PALLD: variants seen among roughly 807,000 people sequenced by gnomAD.
PALLD encodes palladin, cytoskeletal associated protein.
PALLD carries 61 observed loss-of-function variants against 123.5 expected under a neutral mutation model. That is an observed-to-expected ratio of 0.49 (90% CI 0.40 to 0.61). PALLD has a LOEUF of 0.61. PALLD is among the 20% of genes least tolerant of loss of function. The probability of loss-of-function intolerance (pLI) is 0.00; values close to 1 mark genes in which losing one functional copy is unlikely to be tolerated. For missense variants in PALLD, 1,273 were observed against 1,377.0 expected (o/e 0.92, Z 1.20); for synonymous variants, 465 against 496.4 (o/e 0.94, Z 0.84).
intron 2 of PALLD, among the ~76,000 whole-genome samples, chr4:168,523,570 C>T (rs1391787724): frequency 5.3e-5 from 8 of 152,084 alleles, no homozygotes; most frequent in Non-Finnish European, 1.2e-4. Context: ...GTTAATGGAC[C>T]AGCATGGGCC....
intron 10 of PALLD, chr4:168,877,612 C>G (rs1751926437): frequency 2.5e-6 from 1 of 395,008 alleles, no homozygotes; most frequent in Non-Finnish European, 3.6e-6. Context: ...CCTGGGTGTT[C>G]TCTGCAGCTG....
At chr4:168,906,467 G>A (rs6819031) in intron 15 of PALLD, among the ~76,000 whole-genome samples, 25,208 of 152,030 alleles carry the variant, frequency 0.17, 2,621 homozygotes, top group African/African-American at 0.29. Context: ...GTAGTCTCCA[G>A]TCATTTAAAC....
At chr4:168,562,784 G>A (rs1395807455) in intron 2 of PALLD, among the ~76,000 whole-genome samples, 1 of 152,218 alleles carries the variant, frequency 6.6e-6, no homozygotes, top group Admixed American at 6.5e-5. Flanking sequence ...GGGACTCTAG[G>A]CCGTGGAAAG....
At chr4:168,698,590 G>A (rs111445303) in intron 8 of PALLD, among the ~76,000 whole-genome samples, 2 of 151,934 alleles carry the variant, frequency 1.3e-5, no homozygotes, top group African/African-American at 4.8e-5. Context: ...CCTGCTGGAT[G>A]CCCACATGAG....
intron 10 of PALLD, among the ~76,000 whole-genome samples, chr4:168,771,600 G>C (rs1233029766): frequency 6.6e-6 from 1 of 152,162 alleles, no homozygotes; most frequent in Non-Finnish European, 1.5e-5. Context: ...CAGGGCATCA[G>C]TGTGATGTGG....
At chr4:168,859,362 C>G (rs1305975203) in intron 10 of PALLD, among the ~76,000 whole-genome samples, 3 of 152,332 alleles carry the variant, frequency 2.0e-5, no homozygotes, top group African/African-American at 7.2e-5. Context: ...GGAGTCTTCT[C>G]TCACTGCCTG....
chr4:168,709,555 GAA>G (rs1164787888), intron 9 of PALLD, among the ~76,000 whole-genome samples: 168 of 712 alleles, frequency 0.24, 4 homozygotes, highest in Non-Finnish European at 0.34. Context: ...AGGAAGGAAG[GAA>G]GGAAGGAAGG....
At chr4:168,657,554 T>C (rs1446497132) in intron 2 of PALLD, among the ~76,000 whole-genome samples, 2 of 152,196 alleles carry the variant, frequency 1.3e-5, no homozygotes, top group African/African-American at 2.4e-5. Flanking sequence ...AGTGAGGGTA[T>C]AGGAGTCCTT....
At chr4:168,554,933 T>C (rs1767120028) in intron 2 of PALLD, among the ~76,000 whole-genome samples, 2 of 152,184 alleles carry the variant, frequency 1.3e-5, no homozygotes, top group Admixed American at 1.3e-4. Flanking sequence ...AGATACAAAT[T>C]AAAAACACTG....
At chr4:168,529,191 G>A (rs1004349070) in intron 2 of PALLD, among the ~76,000 whole-genome samples, 22 of 152,012 alleles carry the variant, frequency 1.4e-4, no homozygotes, top group African/African-American at 2.2e-4. Flanking sequence ...AAAAAATTTC[G>A]TTGGGCATGG....
chr4:168,922,102 T>TATATACAC (rs1459158507), intron 18 of PALLD, among the ~76,000 whole-genome samples: 1 of 132,604 alleles, frequency 7.5e-6, no homozygotes, highest in Non-Finnish European at 1.6e-5. Context: ...TATATATATA[T>TATATACAC]ACACACACAC....
intron 15 of PALLD, among the ~76,000 whole-genome samples, chr4:168,910,445 T>C (rs1758695264): frequency 6.6e-6 from 1 of 152,130 alleles, no homozygotes; most frequent in South Asian, 2.1e-4. Flanking sequence ...GCCAAAGGTA[T>C]TTTGTTTTTC....
intron 2 of PALLD, among the ~76,000 whole-genome samples, chr4:168,552,393 G>C (rs1053725142): frequency 9.2e-5 from 14 of 152,114 alleles, no homozygotes; most frequent in Non-Finnish European, 1.8e-4. Context: ...AGGAAGTCCA[G>C]TGCTGCAGGA....
chr4:168,713,711 ACAT>A (rs1225114243), intron 10 of PALLD, among the ~76,000 whole-genome samples: 5 of 152,104 alleles, frequency 3.3e-5, no homozygotes, highest in Admixed American at 1.3e-4. Context: ...AGTTTAAAGA[ACAT>A]CAGGATTTGC....
chr4:168,603,860 A>T lies in PALLD; in HGVS notation c.909-64330A>T, dbSNP rs542968699. Among the ~76,000 whole-genome samples, 3 of 152,356 alleles carry T rather than the reference A, an allele frequency of 2.0e-5. No homozygotes were observed. In the South Asian group the frequency reaches 6.2e-4, roughly 32 times the overall value. ...AAACAAAAATTAAACAGTTCTTTTT[A>T]AAAAATTGCAGACATCTCAGTGAAT... On this transcript the variant is annotated intron_variant, in intron 2 of 21. Coordinates refer to ENST00000505667, the MANE Select transcript of PALLD (RefSeq NM_001166108.2).
At chr4:168,663,652 G>C (rs1779339297) in intron 2 of PALLD, among the ~76,000 whole-genome samples, 1 of 152,180 alleles carries the variant, frequency 6.6e-6, no homozygotes, top group East Asian at 1.9e-4. Context: ...CAATGTCCTA[G>C]ATGCAAAATT....
intron 10 of PALLD, among the ~76,000 whole-genome samples, chr4:168,728,006 G>C (rs994084174): frequency 1.3e-5 from 2 of 152,112 alleles, no homozygotes; most frequent in African/African-American, 2.4e-5. Flanking sequence ...CCTTGTCAAA[G>C]ATCAAATGGT....
chr4:168,815,132 A>G (rs1741724428), intron 10 of PALLD, among the ~76,000 whole-genome samples: 1 of 152,236 alleles, frequency 6.6e-6, no homozygotes, highest in South Asian at 2.1e-4. Context: ...TGAATGAGCA[A>G]ATGTAAACAT....
At chr4:168,591,170 C>T (rs940435066) in intron 2 of PALLD, among the ~76,000 whole-genome samples, 1 of 152,138 alleles carries the variant, frequency 6.6e-6, no homozygotes, top group African/African-American at 2.4e-5. Context: ...TGAGCCACCA[C>T]ACCTGGCTGA....
Sources: allele counts gnomAD v4.1 joint callset (sites outside exome capture counted in the v4.1 genomes callset), GRCh38; gene constraint gnomAD v4.1.1; transcripts MANE v1.5; gene names NCBI Gene and HGNC (gene_info 2026-07-23, HGNC 2026-07-21).